The following CDCA2 variants were observed in gnomAD, a reference collection of about 807,000 sequenced individuals.
CDCA2 encodes the protein cell division cycle associated 2, also known as cell division cycle-associated protein 2.
CDCA2 carries 44 observed loss-of-function variants against 67.0 expected under a neutral mutation model. The observed-to-expected ratio is 0.66, with a 90% CI of 0.52 to 0.84. CDCA2 has a LOEUF of 0.84. Ranked by LOEUF, CDCA2 falls within the 40% of genes least tolerant of loss-of-function variation. The pLI is 0.00. For missense variants in CDCA2, 1,253 were observed against 1,203.2 expected (o/e 1.04, Z -0.61); for synonymous variants, 447 against 418.7 (o/e 1.07, Z -0.82).
chr8:25,495,463 A>G (rs979758507), intron 13 of CDCA2, among the ~76,000 whole-genome samples: 9 of 151,682 alleles, frequency 5.9e-5, no homozygotes, highest in African/African-American at 1.9e-4. Flanking sequence ...CACCCAGGCT[A>G]GAGTGCAGTG....
chr8:25,489,891 G>T (rs1288565570), intron 13 of CDCA2, among the ~76,000 whole-genome samples: 1 of 152,164 alleles, frequency 6.6e-6, no homozygotes, highest in Non-Finnish European at 1.5e-5. Context: ...CTACGTACTA[G>T]ACATCTGTCT....
intron 7 of CDCA2, among the ~76,000 whole-genome samples, chr8:25,476,814 A>C (rs750878631): frequency 6.6e-6 from 1 of 152,006 alleles, no homozygotes; most frequent in Non-Finnish European, 1.5e-5. Flanking sequence ...TAGGCCTCCC[A>C]AAGTGCTGGA....
chr8:25,459,119 C>G (rs1005029522), upstream of CDCA2: 2 of 151,932 alleles, frequency 1.3e-5, no homozygotes, highest in African/African-American at 4.8e-5. Context: ...TGGGAGCGCT[C>G]GGAGTGTGCG....
Position 25,485,823 on chromosome 8 carries a change from C to G in CDCA2, c.1430C>G (p.Ser477Cys), listed in dbSNP as rs1563273892. 3 of 1,596,056 alleles carry G rather than the reference C, an allele frequency of 1.9e-6. No homozygotes were observed. In the Admixed American group the frequency reaches 5.1e-5, roughly 27 times the overall value. ...AGTTCTCCTAATAAATCATCAATCT[C>G]TGAGACCCTTTCAGGTAGTAACTTG... ...VLSSPNKSSI[S>C]ETLSGTDTFS... is the part of the protein sequence containing the mutation. The change falls in exon 11 of 15, where the codon TCT becomes TGT. Residue 477 changes from serine (S) to cysteine (C), a missense_variant. Ser to Cys is a moderately radical substitution (Grantham distance 112). Coordinates refer to ENST00000330560, the MANE Select transcript of CDCA2 (RefSeq NM_152562.4).
chr8:25,468,562 T>TGTGTGTGTGTGCGTGC (rs1563262597), intron 6 of CDCA2, 149 bp downstream of exon 6: 49 of 452,694 alleles, frequency 1.1e-4, no homozygotes, highest in Admixed American at 1.9e-4. Context: ...TGTGTGCGTG[T>TGTGTGTGTGTGCGTGC]GTGTGTGTGT....
At chr8:25,492,952 TG>T (rs1487063662) in intron 13 of CDCA2, among the ~76,000 whole-genome samples, 2 of 152,180 alleles carry the variant, frequency 1.3e-5, no homozygotes, top group African/African-American at 4.8e-5. Flanking sequence ...TCCAGTGCAA[TG>T]CTGGGTAAAA....
In CDCA2 at chr8:25,486,332, G is replaced by C. The variant is rs573674145; in HGVS notation, c.1444+495G>C. On this transcript the variant is annotated intron_variant, in intron 11 of 14. Coordinates refer to ENST00000330560, the MANE Select transcript of CDCA2 (RefSeq NM_152562.4). ...TTAGCTGGCAGGTGTCATGGGCCAG[G>C]CACCTTTATTCAGGTGTCTTCCCTG... Among the ~76,000 whole-genome samples, 148 of 152,224 alleles carry C rather than the reference G, an allele frequency of 9.7e-4. 1 individual carries two copies. The South Asian group carries it at 0.03, about 31-fold the overall frequency.
chr8:25,460,125 G>A (rs1242099103), intron 1 of CDCA2, 115 bp from the exon 2 acceptor site: 3 of 954,650 alleles, frequency 3.1e-6, no homozygotes, highest in East Asian at 4.9e-5. Context: ...CCTGTGACGT[G>A]TGTTTCTATG....
Position 25,506,941 on chromosome 8 carries a change from T to G in CDCA2, c.2275T>G (p.Leu759Val). The change falls in exon 15 of 15, where the codon TTA (leucine) becomes GTA (valine). Residue 759 changes from leucine (L) to valine (V), a missense_variant. Physicochemically the swap from Leu to Val is conservative, Grantham distance 32 (BLOSUM62 1). Coordinates refer to ENST00000330560, the MANE Select transcript of CDCA2 (RefSeq NM_152562.4). Reference protein sequence around the residue: ...LCQFFKISPDLNIKCERKDDF... With the variant: ...LCQFFKISPDVNIKCERKDDF... ...TCAGTTCTTTAAAATTTCACCAGATTTAAACATAAAGTGTGAAAGAAAGGA... is the reference window on the plus strand; with the variant it reads ...TCAGTTCTTTAAAATTTCACCAGATGTAAACATAAAGTGTGAAAGAAAGGA... 6.2e-7 allele frequency: 1 copy of G among 1,613,382 alleles called. No individual in the cohort carries two copies. The highest frequency in any genetic ancestry group is 8.5e-7 in the Non-Finnish European group (1 of 1,179,740).
chr8:25,482,740 C>G (rs1803620864), intron 8 of CDCA2, among the ~76,000 whole-genome samples: 2 of 152,008 alleles, frequency 1.3e-5, no homozygotes, highest in Admixed American at 6.6e-5. Flanking sequence ...TGTGGTAGTG[C>G]GCACCTGTAG....
At chr8:25,472,815 A>T (rs1803210132) in intron 7 of CDCA2, among the ~76,000 whole-genome samples, 1 of 152,192 alleles carries the variant, frequency 6.6e-6, no homozygotes, top group African/African-American at 2.4e-5. Context: ...AATCAGGCTA[A>T]TTAACATGTC....
chr8:25,480,715 A>G (rs998194114), intron 8 of CDCA2, among the ~76,000 whole-genome samples: 12 of 152,164 alleles, frequency 7.9e-5, no homozygotes, highest in Non-Finnish European at 1.8e-4. Context: ...TGTTAAGTGA[A>G]CCCAGATAAG....
At chr8:25,501,219 C>A (rs1410881342) in intron 13 of CDCA2, among the ~76,000 whole-genome samples, 2 of 152,188 alleles carry the variant, frequency 1.3e-5, no homozygotes, top group Admixed American at 6.5e-5. Context: ...GAGGAACATT[C>A]ATCTTGTACA....
At chr8:25,498,453 A>ACCCCC (rs60633246) in intron 13 of CDCA2, among the ~76,000 whole-genome samples, 16 of 76,648 alleles carry the variant, frequency 2.1e-4, no homozygotes, top group South Asian at 1.1e-3. Flanking sequence ...GGTAATCTGC[A>ACCCCC]CCCCCCCCCC....
At chr8:25,498,052 A>G (rs960511249) in intron 13 of CDCA2, among the ~76,000 whole-genome samples, 6 of 152,186 alleles carry the variant, frequency 3.9e-5, no homozygotes, top group African/African-American at 1.4e-4. Flanking sequence ...ACTAAAAGAC[A>G]TGAATCAAAT....
chr8:25,491,817 A>G (rs1048365956), intron 13 of CDCA2, among the ~76,000 whole-genome samples: 12 of 151,788 alleles, frequency 7.9e-5, no homozygotes, highest in Admixed American at 2.0e-4. Context: ...TTCTTTTGAG[A>G]TGAACTCTTG....
Position 25,503,407 on chromosome 8 carries a change from G to T in CDCA2, c.1706G>T (p.Gly569Val), listed in dbSNP as rs115829566. 2,104 of 1,614,010 alleles carry T rather than the reference G, an allele frequency of 1.3e-3. 3 individuals are homozygous for T. The highest frequency in any genetic ancestry group is 1.5e-3 in the Non-Finnish European group (1,820 of 1,179,886). ...AGTTGCAGAAAGAAGAAAGGAAAGG[G>T]AAAGAAAAGTGTTCAGAAATCTTTA... ...LKSCRKKKGK[G>V]KKSVQKSLYG... Residue 569 changes from glycine (G) to valine (V), a missense_variant, in exon 14 of 15, where the codon GGA (glycine) becomes GTA (valine). Coordinates refer to ENST00000330560, the MANE Select transcript of CDCA2 (RefSeq NM_152562.4).
At chr8:25,485,177 A>T (rs1249196704) in intron 10 of CDCA2, among the ~76,000 whole-genome samples, 1 of 94,032 alleles carries the variant, frequency 1.1e-5, no homozygotes, top group African/African-American at 3.7e-5. Context: ...CTAAAACTTA[A>T]AGTATAATAA....
chr8:25,467,807 C>A (rs996960428), intron 5 of CDCA2, among the ~76,000 whole-genome samples: 2 of 152,002 alleles, frequency 1.3e-5, no homozygotes, highest in Non-Finnish European at 1.5e-5. Flanking sequence ...GACTTAAGCA[C>A]TAGATTTTAC....
Sources: allele counts gnomAD v4.1 joint callset (sites outside exome capture counted in the v4.1 genomes callset), GRCh38; gene constraint gnomAD v4.1.1; transcripts MANE v1.5; gene names NCBI Gene and HGNC (gene_info 2026-07-23, HGNC 2026-07-21).